ADAP2: variants seen among roughly 807,000 people sequenced by gnomAD.
The protein encoded by ADAP2 is arf-GAP with dual PH domain-containing protein 2.
Under a neutral mutation model 54.9 loss-of-function variants are expected in ADAP2, and 42 were observed. That is an observed-to-expected ratio of 0.77 (90% CI 0.60 to 0.99). ADAP2 has a LOEUF of 0.99. Ranked by LOEUF, ADAP2 falls within the 50% of genes least tolerant of loss-of-function variation. The probability of loss-of-function intolerance (pLI) is 0.00; values close to 1 mark genes in which losing one functional copy is unlikely to be tolerated. For missense variants in ADAP2, 429 were observed against 480.4 expected (o/e 0.89, Z 1.00); for synonymous variants, 177 against 180.1 (o/e 0.98, Z 0.14).
rs1343709191 is a variant in ADAP2 at position 30,922,923 on chromosome 17, T to C, written c.95-17T>C. On this transcript the variant is annotated splice_polypyrimidine_tract_variant and intron_variant, in intron 1 of 10. Transcript: ENST00000330889. ...CGCGCTTTCCGCTCAGCTCCTCTCC[T>C]GCCTCATCCCCTGCAGATCCCGACT... 1 of 1,612,536 alleles carries C rather than the reference T, an allele frequency of 6.2e-7. No individual in the cohort carries two copies. The highest frequency in any genetic ancestry group is 8.5e-7 in the Non-Finnish European group (1 of 1,179,494).
chr17:30,954,648 T>TC (rs1489210283), intron 9 of ADAP2, 93 bp downstream of exon 9: 1 of 1,090,962 alleles, frequency 9.2e-7, no homozygotes, highest in African/African-American at 1.6e-5. Context: ...GATAAACACA[T>TC]CTCCCAGAGC....
intron 2 of ADAP2, among the ~76,000 whole-genome samples, chr17:30,926,187 A>T (rs939712005): frequency 3.3e-5 from 5 of 152,260 alleles, no homozygotes; most frequent in African/African-American, 1.2e-4. Context: ...CCTGCAAAGG[A>T]GATGCCCAAG....
At chr17:30,928,964 A>G (rs1242722106) in intron 3 of ADAP2, among the ~76,000 whole-genome samples, 2 of 152,238 alleles carry the variant, frequency 1.3e-5, no homozygotes, top group Non-Finnish European at 1.5e-5. Context: ...GCTGCATTTC[A>G]GCTGCCGAGC....
intron 3 of ADAP2, among the ~76,000 whole-genome samples, chr17:30,928,935 G>T (rs1048826220): frequency 8.5e-5 from 13 of 152,232 alleles, no homozygotes; most frequent in Non-Finnish European, 1.6e-4. Context: ...TAGCGGGTAT[G>T]TCTGGCAAAC....
intron 5 of ADAP2, among the ~76,000 whole-genome samples, chr17:30,938,791 G>A (rs1254785421): frequency 2.6e-5 from 4 of 152,178 alleles, no homozygotes; most frequent in Non-Finnish European, 5.9e-5. Flanking sequence ...AGGATGAAGA[G>A]AAGTGGGTTA....
At position 30,958,174 on chromosome 17, in the gene ADAP2, C is replaced by A; in HGVS notation, c.*305C>A. 1.7e-5 allele frequency: 6 copies of A among 352,258 alleles called. No individual in the cohort carries two copies. Among genetic ancestry groups the A allele is most frequent in the South Asian group, 5.6e-5 (1 of 17,826 alleles). The allele number at this position is 352,258 out of a possible 1,614,324, so 21.8% of individuals were successfully genotyped here. A position where few individuals can be genotyped will look rare whatever the true frequency, so the allele number is the denominator to read the frequency against. On this transcript the variant is annotated 3_prime_UTR_variant, in exon 11 of 11. Coordinates refer to ENST00000330889, the MANE Select transcript of ADAP2 (RefSeq NM_018404.3). ...TCTCACATCTGAAATGGAGGCATTG[C>A]AATGAAAAGGCACCCACAGCATCAT...
At chr17:30,942,255 GTTGA>G (rs1415201309) in intron 5 of ADAP2, among the ~76,000 whole-genome samples, 1 of 152,110 alleles carries the variant, frequency 6.6e-6, no homozygotes, top group Non-Finnish European at 1.5e-5. Flanking sequence ...CTCAATAAAT[GTTGA>G]TTAAGTGAAA....
At chr17:30,933,385 G>T (rs991432380) in intron 4 of ADAP2, among the ~76,000 whole-genome samples, 1 of 151,516 alleles carries the variant, frequency 6.6e-6, no homozygotes, top group African/African-American at 2.4e-5. Context: ...TCAGGGTTTT[G>T]CCATGTTGGC....
At chr17:30,950,996 C>T (rs1489717279) in intron 7 of ADAP2, among the ~76,000 whole-genome samples, 1 of 152,176 alleles carries the variant, frequency 6.6e-6, no homozygotes, top group African/African-American at 2.4e-5. Context: ...TACCTGATAT[C>T]CATCCCGTGT....
chr17:30,941,269 A>G (rs1912249065), intron 5 of ADAP2, among the ~76,000 whole-genome samples: 1 of 152,236 alleles, frequency 6.6e-6, no homozygotes, highest in Admixed American at 6.5e-5. Context: ...CTCTTCAATT[A>G]GGGCATGAAC....
At position 30,923,086 on chromosome 17, in the gene ADAP2, C is replaced by T. The variant is rs199959488; in HGVS notation, c.225+16C>T. 36 of 1,612,624 alleles carry T rather than the reference C, an allele frequency of 2.2e-5. No individual in the cohort carries two copies. Among genetic ancestry groups the T allele is most frequent in the Non-Finnish European group, 2.7e-5 (32 of 1,179,796 alleles). ...TATTGTGGAGGTAGAAAGGCATGCCCGTGGAGAGCCATGGAACTGCGGGAC... is the reference window on the plus strand; with the variant it reads ...TATTGTGGAGGTAGAAAGGCATGCCTGTGGAGAGCCATGGAACTGCGGGAC... On this transcript the variant is annotated intron_variant, in intron 2 of 10. Transcript: ENST00000330889.
chr17:30,930,809 A>G (rs777655608), intron 3 of ADAP2, among the ~76,000 whole-genome samples: 8 of 151,682 alleles, frequency 5.3e-5, no homozygotes, highest in Admixed American at 2.0e-4. Flanking sequence ...AAATAACTCC[A>G]CTCTCGGCTG....
chr17:30,942,214 A>T (rs1333851977), intron 5 of ADAP2, among the ~76,000 whole-genome samples: 1 of 152,078 alleles, frequency 6.6e-6, no homozygotes, highest in Non-Finnish European at 1.5e-5. Flanking sequence ...CAAACTTAAT[A>T]CGGGTACACT....
At chr17:30,953,577 C>T (rs1904840287) in intron 8 of ADAP2, among the ~76,000 whole-genome samples, 1 of 152,120 alleles carries the variant, frequency 6.6e-6, no homozygotes, top group African/African-American at 2.4e-5. Context: ...TGCTCTGTCA[C>T]CCAGGCCAGA....
At chr17:30,942,322 T>G (rs574351498) in intron 5 of ADAP2, among the ~76,000 whole-genome samples, 2 of 152,286 alleles carry the variant, frequency 1.3e-5, no homozygotes, top group Middle Eastern at 6.8e-3. Context: ...AATTTTGTAA[T>G]CTGGTAGTGT....
At position 30,925,183 on chromosome 17, in the gene ADAP2, A is replaced by ATTTT. The variant is rs57259969; in HGVS notation, c.226-1627_226-1624dup. Among the ~76,000 whole-genome samples the ATTTT allele has an allele frequency of 1.7e-4, 17 of 98,144 alleles. 1 individual carries two copies. Among genetic ancestry groups the ATTTT allele is most frequent in the East Asian group, 3.0e-4 (1 of 3,364 alleles). The allele number at this position is 98,144 out of a possible 152,430, so 64.4% of individuals were successfully genotyped here. On this transcript the variant is annotated intron_variant, in intron 2 of 10. Coordinates refer to ENST00000330889, the MANE Select transcript of ADAP2 (RefSeq NM_018404.3). ...ACAGGCGTGAGCCACCGTGCCCAGC[A>ATTTT]TTTTTTTTTTTTTTTTTTTTGAGAT...
chr17:30,957,709 G>C, intron 10 of ADAP2, 126 bp from the exon 11 acceptor site: 3 of 877,178 alleles, frequency 3.4e-6, no homozygotes, highest in Non-Finnish European at 5.5e-6. Flanking sequence ...GGGATTACAG[G>C]CATGAGCCAC....
At chr17:30,948,917 A>G (rs1196309079) in intron 6 of ADAP2, among the ~76,000 whole-genome samples, 1 of 152,214 alleles carries the variant, frequency 6.6e-6, no homozygotes, top group African/African-American at 2.4e-5. Context: ...AGGAATGCAG[A>G]GTCTTGGGCC....
At chr17:30,922,218 C>A in intron 1 of ADAP2, 110 bp downstream of exon 1, 1 of 789,664 alleles carries the variant, frequency 1.3e-6, no homozygotes, top group Non-Finnish European at 1.7e-6. Flanking sequence ...TGGACCCAGA[C>A]GTGGCACCTG....
Sources: allele counts gnomAD v4.1 joint callset (sites outside exome capture counted in the v4.1 genomes callset), GRCh38; gene constraint gnomAD v4.1.1; transcripts MANE v1.5; gene names NCBI Gene and HGNC (gene_info 2026-07-23, HGNC 2026-07-21).